PCDH15: variants seen among roughly 807,000 people sequenced by gnomAD.
The protein encoded by PCDH15 is protocadherin-15.
Under a neutral mutation model 178.5 loss-of-function variants are expected in PCDH15, and 129 were observed. The ratio of observed to expected loss-of-function variants is 0.72; its 90% confidence interval spans 0.63 to 0.84. The LOEUF (loss-of-function observed/expected upper bound fraction) is 0.84. Ranked by LOEUF, PCDH15 falls within the 40% of genes least tolerant of loss-of-function variation. PCDH15 has a pLI of 0.00. For synonymous variants in PCDH15, 800 were observed against 732.0 expected (o/e 1.09, Z -1.50); for missense variants, 2,230 against 2,099.9 (o/e 1.06, Z -1.21).
chr10:54,552,642 A>C (rs1024843998), intron 2 of PCDH15, among the ~76,000 whole-genome samples: 19 of 152,140 alleles, frequency 1.2e-4, no homozygotes, highest in African/African-American at 4.3e-4. Context: ...ACCTTATAGA[A>C]TTGGTGGAAG....
At chr10:55,564,729 A>G (rs1842266903) in intron 2 of PCDH15, among the ~76,000 whole-genome samples, 1 of 151,724 alleles carries the variant, frequency 6.6e-6, no homozygotes, top group South Asian at 2.1e-4. Context: ...ACCAGATAAA[A>G]TAGACTTTAA....
At chr10:54,152,447 A>C (rs2133327368) in intron 14 of PCDH15, among the ~76,000 whole-genome samples, 1 of 152,136 alleles carries the variant, frequency 6.6e-6, no homozygotes, top group South Asian at 2.1e-4. Context: ...AATATTACAT[A>C]ACTGTGAAAA....
intron 10 of PCDH15, among the ~76,000 whole-genome samples, chr10:54,210,821 T>G (rs574228586): frequency 6.6e-6 from 1 of 151,150 alleles, no homozygotes; most frequent in Non-Finnish European, 1.5e-5. Context: ...ATAGAATAAG[T>G]AGGTCAGTGA....
chr10:55,052,195 C>T (rs939397278), intron 2 of PCDH15, among the ~76,000 whole-genome samples: 1 of 151,360 alleles, frequency 6.6e-6, no homozygotes, highest in Non-Finnish European at 1.5e-5. Context: ...TCAAGCCATT[C>T]TCCTGCCTCA....
rs2082356713 is a variant in PCDH15 at position 54,517,503 on chromosome 10, A to G, written c.157+10309T>C. On this transcript the variant is annotated intron_variant, in intron 3 of 37. Coordinates refer to ENST00000644397, the MANE Select transcript of PCDH15 (RefSeq NM_001384140.1). ...TGGTAAAGGGATCAATTCAACAAGA[A>G]GAGCTAACTATCCTAAATATATATG... is the stretch of plus-strand genomic sequence containing the variant. Among the ~76,000 whole-genome samples the G allele has an allele frequency of 2.6e-5, 4 of 152,290 alleles. No individual in the cohort carries two copies. The South Asian group carries it at 8.3e-4, about 32-fold the overall frequency.
chr10:54,657,147 G>A (rs1321655565), intron 2 of PCDH15, among the ~76,000 whole-genome samples: 1 of 152,186 alleles, frequency 6.6e-6, no homozygotes, highest in African/African-American at 2.4e-5. Flanking sequence ...GCTGCCGGAG[G>A]GGCATACCCA....
rs147663937 is a variant in PCDH15 at position 55,171,695 on chromosome 10, G to A, written c.-155-5044C>T. ...AGTATTTTGGTATGATTTCTAATAT[G>A]TCTTTCAGATCTGTGATTCAAGACT... On this transcript the variant is annotated intron_variant, in intron 1 of 5. Coordinates refer to the PCDH15 transcript ENST00000458638. Among the ~76,000 whole-genome samples, 270 of 152,074 alleles carry A rather than the reference G, an allele frequency of 1.8e-3. 3 individuals are homozygous for A. The highest frequency in any genetic ancestry group is 0.015 in the Admixed American group (235 of 15,282).
intron 1 of PCDH15, among the ~76,000 whole-genome samples, chr10:54,713,532 G>A (rs1034591496): frequency 3.3e-5 from 5 of 151,968 alleles, no homozygotes; most frequent in African/African-American, 4.8e-5. Context: ...AATAAATTCC[G>A]AATTGATTAA....
chr10:55,185,978 A>T (rs976876581), intron 1 of PCDH15, among the ~76,000 whole-genome samples: 1 of 151,782 alleles, frequency 6.6e-6, no homozygotes, highest in Non-Finnish European at 1.5e-5. Flanking sequence ...TCTATGTATT[A>T]GTATTTGTTT....
intron 3 of PCDH15, among the ~76,000 whole-genome samples, chr10:54,849,602 C>T (rs540417785): frequency 1.3e-5 from 2 of 152,102 alleles, no homozygotes. Context: ...GTAAAAATGA[C>T]TTTCTAATTA....
chr10:55,537,280 A>T (rs951011628), intron 2 of PCDH15, among the ~76,000 whole-genome samples: 5 of 152,146 alleles, frequency 3.3e-5, no homozygotes, highest in Non-Finnish European at 7.4e-5. Flanking sequence ...AAATAATTTT[A>T]TAGTTAATCA....
At chr10:53,874,794 A>C (rs2080107520) in intron 26 of PCDH15, among the ~76,000 whole-genome samples, 1 of 152,166 alleles carries the variant, frequency 6.6e-6, no homozygotes, top group Non-Finnish European at 1.5e-5. Context: ...ATTAGTAGAC[A>C]CTGAATATAA....
At chr10:55,585,767 A>G (rs1338189655) in intron 2 of PCDH15, among the ~76,000 whole-genome samples, 1 of 151,984 alleles carries the variant, frequency 6.6e-6, no homozygotes, top group Non-Finnish European at 1.5e-5. Context: ...GTGTGTATAT[A>G]TATGTGTGTG....
intron 16 of PCDH15, 39 bp from the exon 17 acceptor site, chr10:54,079,463 A>G (rs373211399): frequency 3.2e-6 from 5 of 1,560,168 alleles, no homozygotes; most frequent in Non-Finnish European, 4.4e-6. Context: ...ACAAAAAGAG[A>G]TATTATGTCA....
chr10:54,487,600 A>T (rs1303912512), intron 3 of PCDH15, among the ~76,000 whole-genome samples: 4 of 152,066 alleles, frequency 2.6e-5, no homozygotes, highest in Non-Finnish European at 4.4e-5. Context: ...CTACAAAGGA[A>T]ATTTTCTATC....
chr10:54,314,390 T>C (rs1392271785), intron 8 of PCDH15, among the ~76,000 whole-genome samples: 1 of 152,112 alleles, frequency 6.6e-6, no homozygotes, highest in African/African-American at 2.4e-5. Flanking sequence ...CACCCTCTTG[T>C]AGAAATTTTA....
chr10:55,255,965 T>G (rs1841986210), intron 1 of PCDH15, among the ~76,000 whole-genome samples: 1 of 152,198 alleles, frequency 6.6e-6, no homozygotes, highest in Non-Finnish European at 1.5e-5. Context: ...TAGATCCCAT[T>G]TGTCAATTTT....
At chr10:54,466,130 A>G (rs958541390) in intron 3 of PCDH15, among the ~76,000 whole-genome samples, 4 of 151,948 alleles carry the variant, frequency 2.6e-5, no homozygotes, top group East Asian at 1.9e-4. Context: ...AGTAGTCTGC[A>G]TATATTTTCT....
chr10:55,455,579 T>G (rs2132086135), intron 2 of PCDH15, among the ~76,000 whole-genome samples: 1 of 148,556 alleles, frequency 6.7e-6, no homozygotes, highest in Admixed American at 6.8e-5. Context: ...ACTGTACTGT[T>G]TCTTCGTTGC....
Sources: gnomAD v4.1 joint callset for allele counts (sites outside exome capture counted in the v4.1 genomes callset) on GRCh38, gnomAD v4.1.1 for gene constraint, MANE v1.5 for transcripts, NCBI Gene and HGNC (gene_info 2026-07-23, HGNC 2026-07-21) for gene names.